Variants in LPP observed in about 807,000 individuals in gnomAD.
LPP encodes the protein LIM domain containing preferred translocation partner in lipoma.
In LPP, 38 loss-of-function variants were observed where a neutral mutation model predicts 60.4. That is an observed-to-expected ratio of 0.63 (90% CI 0.49 to 0.83). The LOEUF is 0.83. Among genes scored for constraint, LPP ranks in the 40% least tolerant of loss-of-function variants. LPP has a pLI of 0.00. For synonymous variants in LPP, 328 were observed against 290.8 expected, an observed-to-expected ratio of 1.13 and a Z score of -1.30; for missense variants, 902 against 783.6, an observed-to-expected ratio of 1.15 and a Z score of -1.80.
intron 2 of LPP, among the ~76,000 whole-genome samples, chr3:188,295,474 AG>A (rs1747556879): frequency 6.6e-6 from 1 of 152,198 alleles, no homozygotes; most frequent in South Asian, 2.1e-4. Context: ...TTGAGCAATT[AG>A]GCCCTTCGTT....
At chr3:188,421,064 G>T (rs1787675779) in intron 4 of LPP, among the ~76,000 whole-genome samples, 1 of 152,120 alleles carries the variant, frequency 6.6e-6, no homozygotes, top group African/African-American at 2.4e-5. Flanking sequence ...AAGCTTGGTG[G>T]TGAGGTGGCT....
intron 7 of LPP, among the ~76,000 whole-genome samples, chr3:188,703,171 A>C (rs1577100648): frequency 6.6e-6 from 1 of 152,204 alleles, no homozygotes; most frequent in East Asian, 1.9e-4. Context: ...TTGCTGATAC[A>C]ACTCACACTT....
chr3:188,441,071 GGATT>G (rs1793703351), intron 4 of LPP, among the ~76,000 whole-genome samples: 1 of 150,582 alleles, frequency 6.6e-6, no homozygotes, highest in African/African-American at 2.4e-5. Flanking sequence ...TCAGATATAT[GGATT>G]GATTTCTTTT....
chr3:188,798,653 A>G (rs1746097219), intron 9 of LPP, among the ~76,000 whole-genome samples: 1 of 152,160 alleles, frequency 6.6e-6, no homozygotes, highest in Admixed American at 6.5e-5. Flanking sequence ...CTGCTCAGTG[A>G]GGGGAGAGAA....
chr3:188,184,679 G>A (rs1413748230), intron 1 of LPP, among the ~76,000 whole-genome samples: 5 of 146,932 alleles, frequency 3.4e-5, no homozygotes, highest in East Asian at 2.2e-4. Context: ...ATAGGGCTCC[G>A]GTAAACTTTT....
intron 4 of LPP, among the ~76,000 whole-genome samples, chr3:188,479,727 G>A (rs919079): frequency 0.36 from 54,075 of 151,912 alleles, 9,600 homozygotes; most frequent in African/African-American, 0.38. Flanking sequence ...TATATGAGAC[G>A]CAAAAAGGGC....
At chr3:188,602,451 T>C (rs1190952323) in intron 6 of LPP, among the ~76,000 whole-genome samples, 1 of 151,700 alleles carries the variant, frequency 6.6e-6, no homozygotes, top group East Asian at 1.9e-4. Flanking sequence ...GTTAGCTGTG[T>C]TTCCATTTTT....
chr3:188,318,672 T>C (rs1755876772), intron 2 of LPP, among the ~76,000 whole-genome samples: 1 of 152,010 alleles, frequency 6.6e-6, no homozygotes, highest in Admixed American at 6.6e-5. Flanking sequence ...CTTTTCGACT[T>C]TGGTTGGCTT....
chr3:188,529,391 A>AT (rs1412991653), intron 6 of LPP, among the ~76,000 whole-genome samples: 1 of 152,162 alleles, frequency 6.6e-6, no homozygotes, highest in Non-Finnish European at 1.5e-5. Context: ...TAGGTCTGTG[A>AT]TTTCTCATTA....
chr3:188,527,935 C>T (rs982310231), intron 6 of LPP, among the ~76,000 whole-genome samples: 5 of 152,064 alleles, frequency 3.3e-5, no homozygotes, highest in Non-Finnish European at 7.4e-5. Flanking sequence ...ATGACTTTAG[C>T]TTACATCTAC....
In LPP at chr3:188,818,677, T is replaced by G. The variant is rs563667329; in HGVS notation, c.1411-47523T>G. Among the ~76,000 whole-genome samples, 258 of 152,328 alleles carry G rather than the reference T, an allele frequency of 1.7e-3. 1 individual carries two copies. The highest frequency in any genetic ancestry group is 6.8e-3 in the Middle Eastern group (2 of 292). On this transcript the variant is annotated intron_variant, in intron 9 of 11. Coordinates refer to ENST00000617246, the MANE Select transcript of LPP (RefSeq NM_001375462.1). Reference sequence around the variant, plus strand: ...CTTTGTAGTTCTACTGCCCCAGGTTTGTATCCCAGCTTTATTTCCTAACAG... The same window carrying G: ...CTTTGTAGTTCTACTGCCCCAGGTTGGTATCCCAGCTTTATTTCCTAACAG...
At chr3:188,832,683 A>G (rs1162552296) in intron 9 of LPP, among the ~76,000 whole-genome samples, 1 of 152,214 alleles carries the variant, frequency 6.6e-6, no homozygotes, top group Non-Finnish European at 1.5e-5. Context: ...TTTTCCAAGT[A>G]GGTGGTTATC....
Position 188,890,132 on chromosome 3 carries a change from G to T in LPP, c.*15653G>T. 1 of 217,336 alleles carries T rather than the reference G, an allele frequency of 4.6e-6. No homozygotes were observed. Among genetic ancestry groups the T allele is most frequent in the Non-Finnish European group, 9.3e-6 (1 of 107,936 alleles). The allele number at this position is 217,336 out of a possible 1,614,324, so 13.5% of individuals were successfully genotyped here. ...AGTGGATAGATAAGGCGGAGATGGT[G>T]AGAAGCCGGGTTTTCTCTATGCTAA... On this transcript the variant is annotated 3_prime_UTR_variant, in exon 12 of 12. Coordinates refer to ENST00000617246, the MANE Select transcript of LPP (RefSeq NM_001375462.1).
intron 1 of LPP, among the ~76,000 whole-genome samples, chr3:188,219,654 A>G (rs950490824): frequency 6.6e-6 from 1 of 152,198 alleles, no homozygotes; most frequent in South Asian, 2.1e-4. Context: ...AGTATTAAGT[A>G]AAAACTCCTG....
At chr3:188,233,052 A>G (rs576221216) in intron 2 of LPP, among the ~76,000 whole-genome samples, 1 of 152,278 alleles carries the variant, frequency 6.6e-6, no homozygotes, top group South Asian at 2.1e-4. Flanking sequence ...TGTCCTGTTT[A>G]CACTGTCCCC....
Position 188,878,613 on chromosome 3 carries a change from C to T in LPP, c.*4134C>T, listed in dbSNP as rs143832107. The T allele has an allele frequency of 5.8e-3, 1,207 of 208,506 alleles. 18 individuals carry two copies. The highest frequency in any genetic ancestry group is 0.026 in the African/African-American group (1,133 of 44,048). The allele number at this position is 208,506 out of a possible 1,614,324, so 12.9% of individuals were successfully genotyped here. A position where few individuals can be genotyped will look rare whatever the true frequency, so the allele number is the denominator to read the frequency against. ...TGGGATCGCTCGTTTGGTGCACTCT[C>T]GTGGGAGACAATCAGAGAACAACAT... On this transcript the variant is annotated 3_prime_UTR_variant, in exon 12 of 12. Coordinates refer to ENST00000617246, the MANE Select transcript of LPP (RefSeq NM_001375462.1).
At chr3:188,578,601 CTAACTT>C (rs1416846660) in intron 6 of LPP, among the ~76,000 whole-genome samples, 2 of 147,754 alleles carry the variant, frequency 1.4e-5, no homozygotes, top group Non-Finnish European at 3.0e-5. Context: ...TTTAAGGAAA[CTAACTT>C]TAGCAACTCA....
intron 4 of LPP, among the ~76,000 whole-genome samples, chr3:188,484,164 C>A (rs549729456): frequency 6.6e-6 from 1 of 152,168 alleles, no homozygotes; most frequent in South Asian, 2.1e-4. Flanking sequence ...CCATGATCCT[C>A]CACTTTATCT....
chr3:188,450,454 C>T (rs754836617), intron 4 of LPP, among the ~76,000 whole-genome samples: 1 of 152,032 alleles, frequency 6.6e-6, no homozygotes, highest in Non-Finnish European at 1.5e-5. Flanking sequence ...TTTCAAAAAT[C>T]GATTTACAGG....
Sources: allele counts gnomAD v4.1 joint callset (sites outside exome capture counted in the v4.1 genomes callset), GRCh38; gene constraint gnomAD v4.1.1; transcripts MANE v1.5; gene names NCBI Gene and HGNC (gene_info 2026-07-23, HGNC 2026-07-21).